Variants in AGMO observed in about 807,000 individuals in gnomAD.
The protein encoded by AGMO is glyceryl-ether monooxygenase.
AGMO carries 75 observed loss-of-function variants against 60.2 expected under a neutral mutation model. The observed-to-expected ratio is 1.25, with a 90% CI of 1.03 to 1.51. The LOEUF is 1.51. AGMO is among the 40% of genes most tolerant of loss of function. The pLI, the probability that AGMO is intolerant of heterozygous loss-of-function variation, is 0.00. For missense variants in AGMO, 763 were observed against 525.5 expected (o/e 1.45, Z -4.42); for synonymous variants, 261 against 177.1 (o/e 1.47, Z -3.76).
In AGMO at chr7:15,394,168, G is replaced by A. The variant is rs565738776; in HGVS notation, c.621C>T (p.Asn207=). 6.8e-6 allele frequency: 11 copies of A among 1,608,334 alleles called. No homozygotes were observed. The highest frequency in any genetic ancestry group is 1.7e-4 in the Middle Eastern group (1 of 6,052). Residue 207 remains asparagine (N), a synonymous_variant, in exon 6 of 13, where the codon AAC becomes AAT. Coordinates refer to ENST00000342526, the MANE Select transcript of AGMO (RefSeq NM_001004320.2). Reference sequence around the variant, plus strand: ...TAAGAATCAGTTCCAAAGGACCAAGGTTATTGATGACCTGTTTAAAACAGA... The same window carrying A: ...TAAGAATCAGTTCCAAAGGACCAAGATTATTGATGACCTGTTTAAAACAGA... ...QFWIHTEVIN[N]LGPLELILNT...
chr7:15,176,528 CCT>C, the AGMO span, among the ~76,000 whole-genome samples: 2 of 151,778 alleles, frequency 1.3e-5, no homozygotes, highest in African/African-American at 4.8e-5. Context: ...AGTTTTTCCC[CCT>C]GCTTTATTGA....
chr7:15,369,048 G>A (rs763705894), intron 10 of AGMO, among the ~76,000 whole-genome samples: 1 of 152,008 alleles, frequency 6.6e-6, no homozygotes, highest in Non-Finnish European at 1.5e-5. Flanking sequence ...TGTTACTGAA[G>A]ACAAAAACCT....
chr7:15,265,943 T>C (rs1783419489), intron 12 of AGMO, among the ~76,000 whole-genome samples: 1 of 152,124 alleles, frequency 6.6e-6, no homozygotes, highest in Non-Finnish European at 1.5e-5. Context: ...AGAATATTAT[T>C]CAGCTTTAAA....
At chr7:15,209,833 T>C (rs1186321821) in intron 12 of AGMO, among the ~76,000 whole-genome samples, 2 of 152,184 alleles carry the variant, frequency 1.3e-5, no homozygotes, top group African/African-American at 4.8e-5. Flanking sequence ...TGACTACCTG[T>C]TCTGGCAACA....
the AGMO span, among the ~76,000 whole-genome samples, chr7:15,120,083 C>CA: frequency 6.6e-6 from 1 of 151,974 alleles, no homozygotes; most frequent in African/African-American, 2.4e-5. Flanking sequence ...TTGACATAGA[C>CA]AGTATGCTGC....
At chr7:15,461,730 C>T (rs921666865) in intron 3 of AGMO, among the ~76,000 whole-genome samples, 2 of 152,008 alleles carry the variant, frequency 1.3e-5, no homozygotes, top group African/African-American at 2.4e-5. Context: ...AATTCGTTTC[C>T]CTTGCCAAGA....
At chr7:15,489,748 T>G (rs957492082) in intron 3 of AGMO, among the ~76,000 whole-genome samples, 2 of 152,186 alleles carry the variant, frequency 1.3e-5, no homozygotes, top group Admixed American at 1.3e-4. Flanking sequence ...CTGTGGTTTG[T>G]TAACCCGACA....
chr7:15,292,361 G>C (rs530482295), intron 12 of AGMO, among the ~76,000 whole-genome samples: 72 of 152,274 alleles, frequency 4.7e-4, no homozygotes, highest in African/African-American at 1.5e-3. Context: ...CCACAACTGA[G>C]AAGCAATTAC....
At chr7:15,504,794 G>C (rs995618302) in intron 3 of AGMO, among the ~76,000 whole-genome samples, 2 of 149,348 alleles carry the variant, frequency 1.3e-5, no homozygotes, top group African/African-American at 5.1e-5. Flanking sequence ...AAAAAAAAAG[G>C]GTTAAGGGAA....
chr7:15,401,980 C>G (rs114701941), intron 5 of AGMO, among the ~76,000 whole-genome samples: 1 of 151,992 alleles, frequency 6.6e-6, no homozygotes, highest in African/African-American at 2.4e-5. Context: ...GATGTTCCAG[C>G]GGAGCCCAGA....
At position 15,230,124 on chromosome 7, in the gene AGMO, C is replaced by T. The variant is rs573570909; in HGVS notation, c.1264-28765G>A. 2.0e-5 allele frequency among the ~76,000 whole-genome samples: 3 copies of T among 151,906 alleles called. No individual in the cohort carries two copies. In the South Asian group the frequency reaches 6.2e-4, roughly 32 times the overall value. On this transcript the variant is annotated intron_variant, in intron 12 of 12. Transcript: ENST00000342526. ...AATTATTGCTTTCCCCATTAAAGGACTTACAACAAAGGAAAAGAAAAGAGG... is the reference window on the plus strand; with the variant it reads ...AATTATTGCTTTCCCCATTAAAGGATTTACAACAAAGGAAAAGAAAAGAGG...
intron 3 of AGMO, 113 bp from the exon 4 acceptor site, chr7:15,431,221 T>G: frequency 2.8e-6 from 2 of 709,766 alleles, no homozygotes; most frequent in Middle Eastern, 2.4e-4. Flanking sequence ...AACATCTCTG[T>G]AAAAGCTGGC....
chr7:15,364,463 T>C (rs1310912560), intron 12 of AGMO, among the ~76,000 whole-genome samples: 1 of 152,056 alleles, frequency 6.6e-6, no homozygotes, highest in African/African-American at 2.4e-5. Flanking sequence ...TGTGTTATTA[T>C]TATAGATGCA....
chr7:15,536,456 T>A (rs1583661460), intron 3 of AGMO, among the ~76,000 whole-genome samples: 1 of 151,980 alleles, frequency 6.6e-6, no homozygotes, highest in Non-Finnish European at 1.5e-5. Flanking sequence ...TGCATACAAC[T>A]ATAGACTTTT....
At chr7:15,454,902 A>G (rs1306429081) in intron 3 of AGMO, among the ~76,000 whole-genome samples, 3 of 152,120 alleles carry the variant, frequency 2.0e-5, no homozygotes, top group Non-Finnish European at 4.4e-5. Flanking sequence ...CCCACTTACC[A>G]GATGCAACCG....
intron 12 of AGMO, among the ~76,000 whole-genome samples, chr7:15,299,099 C>T (rs1784484078): frequency 6.6e-6 from 1 of 152,134 alleles, no homozygotes; most frequent in South Asian, 2.1e-4. Flanking sequence ...TAGTTGGATT[C>T]TTCTTCTCAT....
intron 3 of AGMO, among the ~76,000 whole-genome samples, chr7:15,539,119 T>G (rs1251104433): frequency 6.6e-6 from 1 of 151,990 alleles, no homozygotes; most frequent in Non-Finnish European, 1.5e-5. Context: ...TTATTTTAAT[T>G]TTTATGATTA....
At chr7:15,231,369 G>T (rs1459493948) in intron 12 of AGMO, among the ~76,000 whole-genome samples, 1 of 152,122 alleles carries the variant, frequency 6.6e-6, no homozygotes, top group African/African-American at 2.4e-5. Flanking sequence ...TTCCCCAGCA[G>T]TGAGTCAATG....
At chr7:15,413,816 C>A (rs1780680422) in intron 5 of AGMO, among the ~76,000 whole-genome samples, 1 of 151,950 alleles carries the variant, frequency 6.6e-6, no homozygotes. Context: ...ACAAAAGATG[C>A]AGTTTTTCAG....
Sources: allele counts gnomAD v4.1 joint callset (sites outside exome capture counted in the v4.1 genomes callset), GRCh38; gene constraint gnomAD v4.1.1; transcripts MANE v1.5; gene names NCBI Gene and HGNC (gene_info 2026-07-23, HGNC 2026-07-21).